The following MLIP variants were observed in gnomAD, a reference collection of about 807,000 sequenced individuals.
MLIP encodes muscular LMNA-interacting protein.
A neutral mutation model predicts 84.8 loss-of-function variants in MLIP; 79 were observed. The observed-to-expected ratio is 0.93, with a 90% CI of 0.78 to 1.12. The LOEUF (loss-of-function observed/expected upper bound fraction) is 1.12, where lower values mean the gene tolerates loss of function less well. MLIP is among the 50% of genes most tolerant of loss of function. The probability of loss-of-function intolerance (pLI) is 0.00; values close to 1 mark genes in which losing one functional copy is unlikely to be tolerated. For synonymous variants in MLIP, 504 were observed against 463.0 expected, an observed-to-expected ratio of 1.09 and a Z score of -1.14; for missense variants, 1,257 against 1,160.6, an observed-to-expected ratio of 1.08 and a Z score of -1.21.
intron 11 of MLIP, among the ~76,000 whole-genome samples, chr6:54,223,468 G>A (rs1373143820): frequency 6.6e-6 from 1 of 152,014 alleles, no homozygotes; most frequent in East Asian, 1.9e-4. Context: ...TCTTCTGCAT[G>A]AGGACATACA....
chr6:54,049,489 T>C (rs558412266), intron 1 of MLIP, among the ~76,000 whole-genome samples: 8 of 152,278 alleles, frequency 5.3e-5, no homozygotes, highest in Non-Finnish European at 1.2e-4. Context: ...ATGGTACTTG[T>C]TTTACAATCA....
At chr6:54,115,596 A>C (rs1769845483) in intron 1 of MLIP, among the ~76,000 whole-genome samples, 2 of 152,190 alleles carry the variant, frequency 1.3e-5, no homozygotes, top group African/African-American at 4.8e-5. Flanking sequence ...ACCCATTGAG[A>C]TATAATACTG....
At chr6:54,043,899 T>C (rs1292008427) in intron 1 of MLIP, among the ~76,000 whole-genome samples, 1 of 152,220 alleles carries the variant, frequency 6.6e-6, no homozygotes, top group East Asian at 1.9e-4. Context: ...GGGAGCGAGA[T>C]AGAGGTTTTC....
chr6:54,235,795 T>C (rs1582586059), intron 12 of MLIP, among the ~76,000 whole-genome samples: 1 of 152,070 alleles, frequency 6.6e-6, no homozygotes, highest in South Asian at 2.1e-4. Context: ...TCTGATGGAG[T>C]GTGTTGGGAA....
Position 54,137,163 on chromosome 6 carries a change from C to T in MLIP, c.1094C>T (p.Pro365Leu), listed in dbSNP as rs184614065. Residue 365 changes from proline (P) to leucine (L), a missense_variant, in exon 4 of 14, where the codon CCA becomes CTA. Coordinates refer to ENST00000502396, the MANE Select transcript of MLIP (RefSeq NM_001281747.2). ...SLKSNSASYIPVRIVTHSLSP... is the reference protein window; with the variant it reads ...SLKSNSASYILVRIVTHSLSP... ...AAGTCGAATTCGGCCTCGTACATAC[C>T]AGTCCGCATTGTCACGCATTCACTC... 2.6e-6 allele frequency: 4 copies of T among 1,536,116 alleles called. No homozygotes were observed. Among genetic ancestry groups the T allele is most frequent in the African/African-American group, 1.4e-5 (1 of 73,152 alleles).
intron 5 of MLIP, 100 bp downstream of exon 5, chr6:54,149,227 G>A: frequency 9.5e-7 from 1 of 1,055,292 alleles, no homozygotes; most frequent in South Asian, 1.5e-5. Context: ...TTAAAGTTCT[G>A]CCTTTACTAA....
At position 54,063,950 on chromosome 6, in the gene MLIP, G is replaced by A. The variant is rs1357338117; in HGVS notation, c.63+44859G>A. The stretch of plus-strand genomic sequence containing the variant: ...TTGTTTTATCAAAAACTTCCAATTA[G>A]TGTTTAATTGGAAACAAGTTAAACC... On this transcript the variant is annotated intron_variant, in intron 1 of 12. Transcript: ENST00000274897. Among the ~76,000 whole-genome samples, 5 of 45,104 alleles carry A rather than the reference G, an allele frequency of 1.1e-4. 1 individual carries two copies. Among genetic ancestry groups the A allele is most frequent in the African/African-American group, 1.7e-4 (5 of 29,720 alleles). The allele number at this position is 45,104 out of a possible 152,430, so 29.6% of individuals were successfully genotyped here. A position where few individuals can be genotyped will look rare whatever the true frequency, so the allele number is the denominator to read the frequency against.
chr6:54,079,271 GTATC>G (rs1378232134), intron 1 of MLIP, among the ~76,000 whole-genome samples: 1 of 152,192 alleles, frequency 6.6e-6, no homozygotes, highest in Non-Finnish European at 1.5e-5. Context: ...TTTAGGTAGA[GTATC>G]TACTCCTATG....
chr6:54,246,692 G>A (rs1452820383), intron 12 of MLIP, among the ~76,000 whole-genome samples: 1 of 152,074 alleles, frequency 6.6e-6, no homozygotes. Context: ...TTGGAAAGGT[G>A]TAGTTTTAAT....
intron 3 of MLIP, among the ~76,000 whole-genome samples, chr6:54,136,402 A>G (rs774074335): frequency 1.8e-4 from 27 of 152,222 alleles, no homozygotes; most frequent in Non-Finnish European, 3.4e-4. Context: ...TCCAAATCAC[A>G]CAATTCAAAA....
At chr6:54,046,451 T>A (rs1027204466) in intron 1 of MLIP, 1 of 152,164 alleles carries the variant, frequency 6.6e-6, no homozygotes, top group African/African-American at 2.4e-5. Context: ...TATAAAGAAA[T>A]GGAACTATCC....
chr6:54,093,323 C>T (rs983501903), intron 1 of MLIP, among the ~76,000 whole-genome samples: 9 of 147,384 alleles, frequency 6.1e-5, no homozygotes, highest in African/African-American at 1.5e-4. Flanking sequence ...AATATATTTT[C>T]GATTAAATTC....
intron 7 of MLIP, 65 bp from the exon 8 acceptor site, chr6:54,160,675 G>C: frequency 1.3e-6 from 2 of 1,488,614 alleles, no homozygotes; most frequent in East Asian, 2.3e-5. Context: ...TTAGTATGAT[G>C]CCTCACAGGC....
intron 3 of MLIP, among the ~76,000 whole-genome samples, chr6:54,125,843 G>A (rs1770879137): frequency 6.6e-6 from 1 of 152,022 alleles, no homozygotes; most frequent in African/African-American, 2.4e-5. Context: ...TACTAGGACA[G>A]GACCAATGCA....
chr6:54,155,590 T>C (rs894506567), intron 5 of MLIP, among the ~76,000 whole-genome samples: 1 of 152,068 alleles, frequency 6.6e-6, no homozygotes, highest in African/African-American at 2.4e-5. Context: ...TCCTATATTT[T>C]AAGGGAGCAA....
chr6:54,112,845 T>A (rs777755343), intron 1 of MLIP, among the ~76,000 whole-genome samples: 47 of 152,216 alleles, frequency 3.1e-4, no homozygotes, highest in Non-Finnish European at 5.1e-4. Flanking sequence ...AAAGCATACC[T>A]TATTCATTGA....
intron 1 of MLIP, among the ~76,000 whole-genome samples, chr6:54,118,589 T>C (rs1244782253): frequency 6.6e-6 from 1 of 152,232 alleles, no homozygotes; most frequent in Non-Finnish European, 1.5e-5. Context: ...GGGAAAGTTC[T>C]ATGACATTGG....
chr6:54,151,162 A>AT (rs534750162), intron 5 of MLIP, among the ~76,000 whole-genome samples: 8 of 151,484 alleles, frequency 5.3e-5, no homozygotes, highest in African/African-American at 1.2e-4. Flanking sequence ...TGTTAAGTGA[A>AT]TTTTTTTTTC....
chr6:54,217,745 A>G (rs998063622), intron 11 of MLIP: 2 of 985,222 alleles, frequency 2.0e-6, no homozygotes, highest in African/African-American at 3.5e-5. Flanking sequence ...TTTTATCAGA[A>G]ATAACTATGT....
Sources: gnomAD v4.1 joint callset for allele counts (sites outside exome capture counted in the v4.1 genomes callset) on GRCh38, gnomAD v4.1.1 for gene constraint, MANE v1.5 for transcripts, NCBI Gene and HGNC (gene_info 2026-07-23, HGNC 2026-07-21) for gene names.